The following FAM168A variants were observed in gnomAD, a reference collection of about 807,000 sequenced individuals.
The protein encoded by FAM168A is protein FAM168A.
Under a neutral mutation model 28.5 loss-of-function variants are expected in FAM168A, and 3 were observed. The observed-to-expected ratio is 0.11, with a 90% CI of 0.05 to 0.27. The LOEUF is 0.27. Among genes scored for constraint, FAM168A ranks in the 10% least tolerant of loss-of-function variants. FAM168A has a pLI of 1.00. For synonymous variants in FAM168A, 122 were observed against 124.2 expected (o/e 0.98, Z 0.12); for missense variants, 222 against 311.5 (o/e 0.71, Z 2.16).
At chr11:73,470,237 A>G (rs1370441421) in intron 1 of FAM168A, among the ~76,000 whole-genome samples, 1 of 152,152 alleles carries the variant, frequency 6.6e-6, no homozygotes, top group African/African-American at 2.4e-5. Context: ...TAAGTTGCAA[A>G]CTGTCAAGTG....
intron 1 of FAM168A, among the ~76,000 whole-genome samples, chr11:73,506,023 T>A (rs1310203779): frequency 6.6e-6 from 1 of 152,174 alleles, no homozygotes; most frequent in Non-Finnish European, 1.5e-5. Flanking sequence ...AGGCATAGGC[T>A]GTTAACCCAC....
At chr11:73,506,282 A>G (rs992228184) in intron 1 of FAM168A, among the ~76,000 whole-genome samples, 3 of 152,154 alleles carry the variant, frequency 2.0e-5, no homozygotes, top group Non-Finnish European at 2.9e-5. Flanking sequence ...GTGAGGTTCA[A>G]CCTACTGAAT....
chr11:73,447,058 AC>A (rs1161583521), intron 2 of FAM168A, among the ~76,000 whole-genome samples: 1 of 152,160 alleles, frequency 6.6e-6, no homozygotes, highest in Non-Finnish European at 1.5e-5. Flanking sequence ...AGCTGTTCTA[AC>A]ATTTGATTAT....
At chr11:73,552,124 T>C (rs1343348752) in intron 1 of FAM168A, among the ~76,000 whole-genome samples, 1 of 152,218 alleles carries the variant, frequency 6.6e-6, no homozygotes. Context: ...CCCTTATGCC[T>C]TGTATAAACA....
intron 1 of FAM168A, among the ~76,000 whole-genome samples, chr11:73,569,948 G>A (rs898822416): frequency 6.6e-6 from 1 of 152,154 alleles, no homozygotes; most frequent in African/African-American, 2.4e-5. Context: ...GACCTGGGAT[G>A]GTGGGGTCCA....
chr11:73,514,982 A>T (rs143097931), intron 1 of FAM168A, among the ~76,000 whole-genome samples: 1 of 152,278 alleles, frequency 6.6e-6, no homozygotes, highest in Non-Finnish European at 1.5e-5. Flanking sequence ...ATCTACACCT[A>T]CCCATGGACC....
At chr11:73,491,918 A>T (rs1868132861) in intron 1 of FAM168A, among the ~76,000 whole-genome samples, 1 of 152,224 alleles carries the variant, frequency 6.6e-6, no homozygotes, top group Non-Finnish European at 1.5e-5. Flanking sequence ...TACAAAGGCC[A>T]AGTATGATTC....
At chr11:73,407,352 A>C (rs758918585) in intron 7 of FAM168A, among the ~76,000 whole-genome samples, 161 bp downstream of exon 7, 1 of 152,240 alleles carries the variant, frequency 6.6e-6, no homozygotes, top group Non-Finnish European at 1.5e-5. Flanking sequence ...GATAGCTATT[A>C]TTAAGAGTGA....
chr11:73,506,036 G>A (rs914000125), intron 1 of FAM168A, among the ~76,000 whole-genome samples: 1 of 152,108 alleles, frequency 6.6e-6, no homozygotes, highest in Non-Finnish European at 1.5e-5. Context: ...TAACCCACTT[G>A]CCCACTCTCA....
At chr11:73,482,371 T>C (rs1867979593) in intron 1 of FAM168A, among the ~76,000 whole-genome samples, 1 of 151,794 alleles carries the variant, frequency 6.6e-6, no homozygotes, top group African/African-American at 2.4e-5. Context: ...GATGGACAGA[T>C]GAACAACTGG....
chr11:73,480,590 CAG>C (rs946072064), intron 1 of FAM168A, among the ~76,000 whole-genome samples: 1 of 152,096 alleles, frequency 6.6e-6, no homozygotes, highest in African/African-American at 2.4e-5. Flanking sequence ...GTGCTTGAAA[CAG>C]AGAGAGGATG....
intron 4 of FAM168A, among the ~76,000 whole-genome samples, chr11:73,418,776 T>C (rs1866737946): frequency 6.6e-6 from 1 of 152,034 alleles, no homozygotes; most frequent in South Asian, 2.1e-4. Context: ...AAGTTCTTCC[T>C]TATATGGAGT....
intron 4 of FAM168A, among the ~76,000 whole-genome samples, chr11:73,417,684 C>T (rs1432359362): frequency 1.3e-5 from 2 of 151,796 alleles, no homozygotes; most frequent in Admixed American, 6.6e-5. Flanking sequence ...CTCAGCCTCC[C>T]GAGTAGCTGG....
At chr11:73,519,961 T>C (rs369339520) in intron 1 of FAM168A, among the ~76,000 whole-genome samples, 3 of 151,846 alleles carry the variant, frequency 2.0e-5, no homozygotes, top group South Asian at 2.1e-4. Context: ...GCCCAGTACA[T>C]AGATTTTTGA....
intron 1 of FAM168A, among the ~76,000 whole-genome samples, chr11:73,534,381 C>A (rs1943550298): frequency 6.6e-6 from 1 of 151,690 alleles, no homozygotes; most frequent in Non-Finnish European, 1.5e-5. Context: ...GTATTTCTTT[C>A]TTTCATTTTT....
At chr11:73,591,135 C>T (rs1944376090) in intron 1 of FAM168A, among the ~76,000 whole-genome samples, 1 of 151,638 alleles carries the variant, frequency 6.6e-6, no homozygotes, top group South Asian at 2.1e-4. Context: ...CAAAGCGAGA[C>T]TCTGTCTCAA....
At position 73,401,864 on chromosome 11, in the gene FAM168A, G is replaced by A. The variant is rs779294341; in HGVS notation, c.*4899C>T. On this transcript the variant is annotated 3_prime_UTR_variant, in exon 8 of 8. Transcript: ENST00000356467. ...TCTGGCTTAGGCAGGGCTGGCCATG[G>A]AATGTTGAAGCTGGCCTGCCAGGAA... 12 of 152,234 alleles carry A rather than the reference G, an allele frequency of 7.9e-5. No individual in the cohort carries two copies. The highest frequency in any genetic ancestry group is 1.0e-4 in the Non-Finnish European group (7 of 68,050). 9.4% of individuals were successfully genotyped at this position (152,234 alleles called of 1,614,324 possible). A position where few individuals can be genotyped will look rare whatever the true frequency, so the allele number is the denominator to read the frequency against.
At chr11:73,583,325 A>AC (rs1288310910) in intron 1 of FAM168A, among the ~76,000 whole-genome samples, 1 of 151,798 alleles carries the variant, frequency 6.6e-6, no homozygotes, top group African/African-American at 2.4e-5. Context: ...AAACAAACAA[A>AC]AAAAACTCAG....
chr11:73,564,852 T>A (rs1440061449), intron 1 of FAM168A, among the ~76,000 whole-genome samples: 2 of 150,250 alleles, frequency 1.3e-5, no homozygotes, highest in African/African-American at 4.9e-5. Context: ...AAACAACGTG[T>A]CAGAGTGTCC....
Sources: gnomAD v4.1 joint callset for allele counts (sites outside exome capture counted in the v4.1 genomes callset) on GRCh38, gnomAD v4.1.1 for gene constraint, MANE v1.5 for transcripts, NCBI Gene and HGNC (gene_info 2026-07-23, HGNC 2026-07-21) for gene names.